The following NUP93 variants were observed in gnomAD, a reference collection of about 807,000 sequenced individuals.
The protein encoded by NUP93 is nucleoporin 93.
A neutral mutation model predicts 107.8 loss-of-function variants in NUP93; 55 were observed. The observed-to-expected ratio is 0.51, with a 90% CI of 0.41 to 0.64. The LOEUF (loss-of-function observed/expected upper bound fraction) is 0.64, where lower values mean the gene tolerates loss of function less well. Ranked by LOEUF, NUP93 falls within the 30% of genes least tolerant of loss-of-function variation. The pLI is 0.00. For missense variants in NUP93, 937 were observed against 1,044.7 expected (o/e 0.90, Z 1.42); for synonymous variants, 390 against 397.5 (o/e 0.98, Z 0.22).
intron 1 of NUP93, among the ~76,000 whole-genome samples, chr16:56,747,276 A>G (rs1961836187): frequency 6.6e-6 from 1 of 152,230 alleles, no homozygotes; most frequent in South Asian, 2.1e-4. Flanking sequence ...CTGGGATTAC[A>G]GGCGTGAGCC....
chr16:56,820,191 C>T (rs1440801035), intron 6 of NUP93, among the ~76,000 whole-genome samples: 1 of 152,232 alleles, frequency 6.6e-6, no homozygotes, highest in African/African-American at 2.4e-5. Context: ...CGGCTGTCCT[C>T]TCCACTAAAG....
rs369872394 is a variant in NUP93, at chr16:56,801,885, G to A, written c.360+3347G>A. 6.6e-5 allele frequency among the ~76,000 whole-genome samples: 10 copies of A among 152,264 alleles called. No homozygotes were observed. The East Asian group carries it at 1.9e-3, about 29-fold the overall frequency. ...GCAGGCAGCCCAATTAACAGGGAAT[G>A]GTTAATTCCCACTGTTGTCATTCTG... On this transcript the variant is annotated intron_variant, in intron 4 of 21. Transcript: ENST00000308159.
intron 3 of NUP93, among the ~76,000 whole-genome samples, chr16:56,779,620 C>T (rs1420220316): frequency 1.3e-5 from 2 of 152,156 alleles, no homozygotes; most frequent in African/African-American, 4.8e-5. Flanking sequence ...AACACTTCTG[C>T]TCAGAGGTCC....
At chr16:56,825,205 C>CTTTTT (rs34378384) in intron 8 of NUP93, among the ~76,000 whole-genome samples, 13 of 76,354 alleles carry the variant, frequency 1.7e-4, no homozygotes, top group East Asian at 5.1e-4. Flanking sequence ...CCATACCCAG[C>CTTTTT]TTTTTTTTTT....
intron 20 of NUP93, 108 bp downstream of exon 20, chr16:56,839,712 TC>T: frequency 1.1e-6 from 1 of 899,678 alleles, no homozygotes; most frequent in Non-Finnish European, 1.8e-6. Context: ...ACAGTAACTA[TC>T]CAGACTGAGT....
At chr16:56,798,929 C>G (rs2144558696) in intron 4 of NUP93, among the ~76,000 whole-genome samples, 1 of 151,322 alleles carries the variant, frequency 6.6e-6, no homozygotes, top group East Asian at 1.9e-4. Flanking sequence ...AGTGTGGGAT[C>G]TGGAAGCTGG....
At position 56,834,301 on chromosome 16, in the gene NUP93, C is replaced by A. The variant is rs765099109; in HGVS notation, c.1664+47C>A. 2.5e-6 allele frequency: 4 copies of A among 1,613,090 alleles called. No individual in the cohort carries two copies. In the South Asian group the frequency reaches 4.4e-5, roughly 18 times the overall value. ...TTACTTCAGCTAGTTTCAATTTCTG[C>A]CATTCTGAGAATGACTATTAGAGAC... On this transcript the variant is annotated intron_variant, in intron 14 of 21. Transcript: ENST00000308159.
chr16:56,740,391 CG>C (rs1961708159), intron 1 of NUP93, among the ~76,000 whole-genome samples: 1 of 146,444 alleles, frequency 6.8e-6, no homozygotes, highest in Non-Finnish European at 1.5e-5. Flanking sequence ...CCAGATGGGG[CG>C]GCGGGGCAGA....
chr16:56,738,089 G>A (rs1226701419), intron 1 of NUP93, among the ~76,000 whole-genome samples: 2 of 152,194 alleles, frequency 1.3e-5, no homozygotes, highest in Non-Finnish European at 2.9e-5. Context: ...CTGTTTCCCA[G>A]GAAGCATCAA....
At chr16:56,822,462 A>G (rs1473524875) in intron 7 of NUP93, among the ~76,000 whole-genome samples, 3 of 150,810 alleles carry the variant, frequency 2.0e-5, no homozygotes, top group African/African-American at 7.3e-5. Context: ...GCAGTGAGCC[A>G]TGATCATGCC....
chr16:56,847,621 C>A lies in NUP93; in HGVS notation c.*3012C>A, dbSNP rs1964131161. 1.3e-5 allele frequency: 2 copies of A among 152,184 alleles called. No individual in the cohort carries two copies. The highest frequency in any genetic ancestry group is 2.9e-5 in the Non-Finnish European group (2 of 68,046). 9.4% of individuals were successfully genotyped at this position (152,184 alleles called of 1,614,324 possible). Reference sequence around the variant, plus strand: ...GCCTGGAGATTTAATTTCACAGATTCTCTTCTTTTGGCTCAACAACAACAG... The same window carrying A: ...GCCTGGAGATTTAATTTCACAGATTATCTTCTTTTGGCTCAACAACAACAG... On this transcript the variant is annotated 3_prime_UTR_variant, in exon 22 of 22. Transcript: ENST00000308159.
At chr16:56,782,685 G>A (rs1962539974) in intron 3 of NUP93, 1 of 152,056 alleles carries the variant, frequency 6.6e-6, no homozygotes, top group Non-Finnish European at 1.5e-5. Flanking sequence ...TGTGTCTGTG[G>A]TGTGTCTGTG....
chr16:56,740,449 C>T (rs1403885166), intron 1 of NUP93, among the ~76,000 whole-genome samples: 1 of 151,628 alleles, frequency 6.6e-6, no homozygotes, highest in Non-Finnish European at 1.5e-5. Flanking sequence ...AGAGACGCTC[C>T]TCACTTCCTA....
intron 5 of NUP93, among the ~76,000 whole-genome samples, chr16:56,806,626 G>A (rs1457328955): frequency 1.3e-5 from 2 of 152,134 alleles, no homozygotes; most frequent in Non-Finnish European, 2.9e-5. Flanking sequence ...GCTCTTGGCT[G>A]CAGAAATTAT....
chr16:56,799,114 G>A (rs372041290), intron 4 of NUP93, among the ~76,000 whole-genome samples: 2 of 152,254 alleles, frequency 1.3e-5, no homozygotes, highest in African/African-American at 4.8e-5. Context: ...CAGAAAATTA[G>A]TGGTTTCATT....
intron 1 of NUP93, among the ~76,000 whole-genome samples, chr16:56,740,335 C>T (rs1476261996): frequency 7.3e-5 from 11 of 150,212 alleles, no homozygotes; most frequent in African/African-American, 2.7e-4. Flanking sequence ...AGACGCTCCT[C>T]ACCTCCCAGA....
chr16:56,749,013 C>T (rs1961870415), intron 2 of NUP93, among the ~76,000 whole-genome samples: 1 of 152,116 alleles, frequency 6.6e-6, no homozygotes, highest in Admixed American at 6.5e-5. Context: ...GAGAGTGCAG[C>T]TGGGGAAAAG....
At chr16:56,740,190 G>C (rs747264973) in intron 1 of NUP93, among the ~76,000 whole-genome samples, 1 of 147,366 alleles carries the variant, frequency 6.8e-6, no homozygotes, top group Non-Finnish European at 1.5e-5. Context: ...CTTCCCAGAT[G>C]GGGTGGCTGC....
At chr16:56,774,192 C>T (rs1281356401) in intron 3 of NUP93, among the ~76,000 whole-genome samples, 3 of 152,218 alleles carry the variant, frequency 2.0e-5, no homozygotes, top group South Asian at 2.1e-4. Context: ...TTGCTGTGAG[C>T]GGATGTGCTG....
Sources: gnomAD v4.1 joint callset for allele counts (sites outside exome capture counted in the v4.1 genomes callset) on GRCh38, gnomAD v4.1.1 for gene constraint, MANE v1.5 for transcripts, NCBI Gene and HGNC (gene_info 2026-07-23, HGNC 2026-07-21) for gene names.